KANK4: variants seen among roughly 807,000 people sequenced by gnomAD.
KANK4 encodes the protein KN motif and ankyrin repeat domains 4, also known as KN motif and ankyrin repeat domain-containing protein 4.
Under a neutral mutation model 80.8 loss-of-function variants are expected in KANK4, and 50 were observed. The ratio of observed to expected loss-of-function variants is 0.62; its 90% CI spans 0.49 to 0.78. The LOEUF (loss-of-function observed/expected upper bound fraction) is 0.78, where lower values mean the gene tolerates loss of function less well. Among genes scored for constraint, KANK4 ranks in the 30% least tolerant of loss-of-function variants. The pLI, the probability that KANK4 is intolerant of heterozygous loss-of-function variation, is 0.00. For missense variants in KANK4, 1,196 were observed against 1,240.1 expected (o/e 0.96, Z 0.53); for synonymous variants, 465 against 506.9 (o/e 0.92, Z 1.11).
At chr1:62,290,666 G>C (rs1672660328) in intron 1 of KANK4, among the ~76,000 whole-genome samples, 3 of 152,110 alleles carry the variant, frequency 2.0e-5, no homozygotes, top group Admixed American at 6.5e-5. Flanking sequence ...AGCATGATGG[G>C]AATTCAATAA....
chr1:62,274,306 A>T lies in KANK4; in HGVS notation c.798T>A (p.Asp266Glu), dbSNP rs1261533785. The change falls in exon 3 of 10, where the codon GAT becomes GAA. Residue 266 changes from aspartate (D) to glutamate (E), a missense_variant. By Grantham distance (45) the Asp-to-Glu change is conservative. Transcript: ENST00000371153. The stretch of plus-strand genomic sequence containing the variant: ...CCTCTGCTTCTCTGGCATTGTGTTC[A>T]TCTTCCTTGTCCTCTAGAACTACAA... ...NVLVVLEDKEDEHNAREAEVL... is the reference protein window; with the variant it reads ...NVLVVLEDKEEEHNAREAEVL... The T allele has an allele frequency of 1.5e-5, 25 of 1,614,044 alleles. No individual in the cohort carries two copies. The highest frequency in any genetic ancestry group is 2.0e-5 in the Non-Finnish European group (24 of 1,180,040).
intron 1 of KANK4, among the ~76,000 whole-genome samples, chr1:62,316,348 C>T (rs1430551475): frequency 2.0e-5 from 3 of 152,218 alleles, no homozygotes; most frequent in Admixed American, 6.5e-5. Flanking sequence ...CCTTAGGCTG[C>T]TACTGAACTG....
chr1:62,281,878 G>A (rs375628262), intron 1 of KANK4, among the ~76,000 whole-genome samples: 17 of 152,054 alleles, frequency 1.1e-4, no homozygotes, highest in South Asian at 2.1e-4. Context: ...TTGGTCCAGC[G>A]GTCTTGCTTG....
At chr1:62,303,216 C>A (rs1014389734) in intron 1 of KANK4, among the ~76,000 whole-genome samples, 2 of 150,136 alleles carry the variant, frequency 1.3e-5, no homozygotes, top group African/African-American at 5.0e-5. Flanking sequence ...AGTCAAAGGG[C>A]ATGGATTTAA....
chr1:62,291,909 C>CT (rs1672687581), intron 1 of KANK4, among the ~76,000 whole-genome samples: 2 of 152,158 alleles, frequency 1.3e-5, no homozygotes, highest in African/African-American at 4.8e-5. Context: ...ACTCAGACAA[C>CT]TTTATTTTTT....
At chr1:62,269,301 G>A (rs1290207781) in intron 4 of KANK4, among the ~76,000 whole-genome samples, 1 of 152,178 alleles carries the variant, frequency 6.6e-6, no homozygotes, top group African/African-American at 2.4e-5. Context: ...GAATGCTGGT[G>A]GTAAGATGAT....
intron 1 of KANK4, among the ~76,000 whole-genome samples, chr1:62,282,388 G>C (rs755220688): frequency 2.0e-5 from 3 of 152,108 alleles, no homozygotes; most frequent in Non-Finnish European, 4.4e-5. Context: ...CCAGGAAATT[G>C]GCTTTTTATG....
intron 1 of KANK4, among the ~76,000 whole-genome samples, chr1:62,287,711 A>G (rs2765255): frequency 0.34 from 52,050 of 151,930 alleles, 9,700 homozygotes; most frequent in South Asian, 0.57. Flanking sequence ...CCATTGCCCT[A>G]GATCAAGTTC....
chr1:62,259,611 T>C (rs1202321062), intron 7 of KANK4, among the ~76,000 whole-genome samples: 1 of 152,028 alleles, frequency 6.6e-6, no homozygotes, highest in African/African-American at 2.4e-5. Flanking sequence ...GCACACTTAG[T>C]TATTGGGTGA....
At chr1:62,291,220 T>C (rs1054790415) in intron 1 of KANK4, among the ~76,000 whole-genome samples, 1 of 152,254 alleles carries the variant, frequency 6.6e-6, no homozygotes, top group Admixed American at 6.5e-5. Flanking sequence ...TTATTGGCTT[T>C]TGTATATCAT....
chr1:62,243,399 C>T (rs1024483229), intron 9 of KANK4, among the ~76,000 whole-genome samples: 5 of 151,204 alleles, frequency 3.3e-5, no homozygotes, highest in East Asian at 3.9e-4. Flanking sequence ...AGTGCAGTGG[C>T]GCAATCTCAG....
intron 1 of KANK4, among the ~76,000 whole-genome samples, chr1:62,297,670 T>A (rs558326462): frequency 6.6e-6 from 1 of 152,308 alleles, no homozygotes; most frequent in South Asian, 2.1e-4. Context: ...ATAAACATGG[T>A]TGGGGACACG....
intron 9 of KANK4, among the ~76,000 whole-genome samples, chr1:62,246,390 A>G (rs1244692314): frequency 2.6e-5 from 4 of 152,070 alleles, no homozygotes; most frequent in Non-Finnish European, 5.9e-5. Context: ...TTCCTTCTGA[A>G]GGCTTTTGAG....
chr1:62,304,129 C>T (rs1644433019), intron 1 of KANK4, among the ~76,000 whole-genome samples: 2 of 152,198 alleles, frequency 1.3e-5, no homozygotes, highest in South Asian at 4.1e-4. Context: ...CCCACCTTGG[C>T]CTCCCAAAAT....
Position 62,274,511 on chromosome 1 carries a change from C to A in KANK4, c.593G>T (p.Ser198Ile). 1 of 1,614,236 alleles carries A rather than the reference C, an allele frequency of 6.2e-7. No individual in the cohort carries two copies. Among genetic ancestry groups the A allele is most frequent in the Non-Finnish European group, 8.5e-7 (1 of 1,180,036 alleles). The stretch of plus-strand genomic sequence containing the variant: ...AGGTTCAAAGGTGCCATCACAGACA[C>A]TGCCTTCACCCTGAAGGGGAGGGAG... ...PALPPLQGEG[S>I]VCDGTFEPAE... is the part of the protein sequence containing the mutation. The change falls in exon 3 of 10, where the codon AGT (serine) becomes ATT (isoleucine). Residue 198 changes from serine (S) to isoleucine (I), a missense_variant. By Grantham distance (142) the Ser-to-Ile change is moderately radical. Around this residue, in one of 3 missense-constraint regions of KANK4, gnomAD observed 1,154 missense variants for 1,179.6 expected, o/e 0.98. Coordinates refer to ENST00000371153, the MANE Select transcript of KANK4 (RefSeq NM_181712.5).
intron 1 of KANK4, among the ~76,000 whole-genome samples, chr1:62,289,461 C>A (rs139060859): frequency 1.7e-3 from 256 of 152,250 alleles, no homozygotes; most frequent in African/African-American, 5.7e-3. Context: ...AAGATTGCAG[C>A]AGAGTGGGGG....
At chr1:62,285,194 A>G (rs1672537344) in intron 1 of KANK4, among the ~76,000 whole-genome samples, 1 of 152,208 alleles carries the variant, frequency 6.6e-6, no homozygotes, top group Non-Finnish European at 1.5e-5. Context: ...ATCATTCCAC[A>G]GTGCCTTTCC....
rs149007460 is a variant in KANK4 at position 62,289,854 on chromosome 1, G to C, written c.-70-8220C>G. 1.5e-4 allele frequency among the ~76,000 whole-genome samples: 23 copies of C among 152,244 alleles called. No homozygotes were observed. The Middle Eastern group carries it at 0.01, about 68-fold the overall frequency. On this transcript the variant is annotated intron_variant, in intron 1 of 9. Transcript: ENST00000371153. ...GGGCAAGTTCTATAGTGGACTTGTA[G>C]CCTGGGCTCCAAGTCAAGTACTAGC...
chr1:62,279,692 C>T (rs1434469714), intron 2 of KANK4, among the ~76,000 whole-genome samples: 1 of 152,184 alleles, frequency 6.6e-6, no homozygotes, highest in Non-Finnish European at 1.5e-5. Context: ...AGAGTAGGCG[C>T]TCAGTGAAGG....
Sources: gnomAD v4.1 joint callset for allele counts (sites outside exome capture counted in the v4.1 genomes callset) on GRCh38, gnomAD v4.1.1 for gene constraint, gnomAD v4.1.1 regional missense constraint, MANE v1.5 for transcripts, NCBI Gene and HGNC (gene_info 2026-07-23, HGNC 2026-07-21) for gene names.